Variants in RARB observed in about 807,000 individuals in gnomAD.
RARB encodes the protein HBV-activated protein.
A neutral mutation model predicts 51.9 loss-of-function variants in RARB; 17 were observed. That is an observed-to-expected ratio of 0.33 (90% CI 0.22 to 0.49). RARB has a LOEUF of 0.49. RARB is among the 20% of genes least tolerant of loss of function. RARB has a pLI of 0.99. For synonymous variants in RARB, 215 were observed against 195.4 expected (o/e 1.10, Z -0.84); for missense variants, 369 against 550.8 (o/e 0.67, Z 3.30).
chr3:24,988,386 T>C (rs946270119), intron 2 of RARB, among the ~76,000 whole-genome samples: 3 of 152,186 alleles, frequency 2.0e-5, no homozygotes, highest in African/African-American at 7.2e-5. Context: ...ATACTTCAAA[T>C]ATATTACAAA....
rs74756827 is a variant in RARB at position 24,918,052 on chromosome 3, T to A, written c.-380+59300T>A. ...CCCAGCAAGTCCACACCTAGCATGC[T>A]ATGCAAACGAAAGGAAAACATACAT... On this transcript the variant is annotated intron_variant, in intron 2 of 11. Transcript: ENST00000383772. 6.4e-4 allele frequency among the ~76,000 whole-genome samples: 97 copies of A among 152,310 alleles called. No individual in the cohort carries two copies. The East Asian group carries it at 0.015, about 23-fold the overall frequency.
intron 3 of RARB, among the ~76,000 whole-genome samples, chr3:25,114,577 G>T (rs189797710): frequency 6.6e-6 from 1 of 152,118 alleles, no homozygotes; most frequent in Non-Finnish European, 1.5e-5. Flanking sequence ...TTGTAAAATC[G>T]GGATCCAGCA....
chr3:25,129,627 T>C (rs1393719505), intron 3 of RARB, among the ~76,000 whole-genome samples: 2 of 152,110 alleles, frequency 1.3e-5, no homozygotes, highest in East Asian at 1.9e-4. Context: ...ATGACTCATC[T>C]CTATCATCTG....
At chr3:25,311,301 A>G (rs536376412) in intron 5 of RARB, among the ~76,000 whole-genome samples, 1 of 152,326 alleles carries the variant, frequency 6.6e-6, no homozygotes, top group African/African-American at 2.4e-5. Flanking sequence ...GGGAGTGAAG[A>G]CCAGATTCTG....
intron 5 of RARB, among the ~76,000 whole-genome samples, chr3:25,379,941 AG>A (rs1337803880): frequency 6.6e-6 from 1 of 152,162 alleles, no homozygotes; most frequent in Non-Finnish European, 1.5e-5. Context: ...CTGTGGGAAG[AG>A]GGAGGTGTAT....
At chr3:24,966,094 T>C (rs2125414453) in intron 2 of RARB, among the ~76,000 whole-genome samples, 1 of 91,104 alleles carries the variant, frequency 1.1e-5, no homozygotes, top group South Asian at 3.5e-4. Context: ...CCTTTATCTT[T>C]GAATTTTTTT....
chr3:25,045,162 T>C (rs1698187803), intron 2 of RARB, among the ~76,000 whole-genome samples: 1 of 152,174 alleles, frequency 6.6e-6, no homozygotes, highest in African/African-American at 2.4e-5. Flanking sequence ...ATAGCAAAAG[T>C]ACAGTGCCTT....
intron 2 of RARB, among the ~76,000 whole-genome samples, chr3:25,056,080 A>G (rs1190607763): frequency 6.6e-6 from 1 of 152,160 alleles, no homozygotes; most frequent in Non-Finnish European, 1.5e-5. Context: ...TCTTAGTGTC[A>G]TCTTGTTTCA....
At chr3:24,949,344 T>C (rs1695840437) in intron 2 of RARB, among the ~76,000 whole-genome samples, 1 of 152,168 alleles carries the variant, frequency 6.6e-6, no homozygotes, top group Non-Finnish European at 1.5e-5. Context: ...GGAAAAAATA[T>C]AATTACCCTT....
intron 1 of RARB, among the ~76,000 whole-genome samples, chr3:24,832,560 T>C (rs531136246): frequency 2.0e-5 from 3 of 147,620 alleles, no homozygotes; most frequent in African/African-American, 5.0e-5. Context: ...GACCAGATAT[T>C]GTACTATGTA....
At chr3:25,329,337 G>T (rs147470847) in intron 5 of RARB, among the ~76,000 whole-genome samples, 8,323 of 152,172 alleles carry the variant, frequency 0.055, 248 homozygotes, top group Middle Eastern at 0.065. Flanking sequence ...TCCAGAGGAA[G>T]GATAAGGCAG....
intron 2 of RARB, among the ~76,000 whole-genome samples, chr3:24,866,212 T>C (rs1005005335): frequency 2.6e-5 from 4 of 152,130 alleles, no homozygotes. Flanking sequence ...CTTTCCATTT[T>C]ACCAGTCCTA....
intron 3 of RARB, among the ~76,000 whole-genome samples, chr3:25,554,935 C>G (rs1048105573): frequency 2.0e-5 from 3 of 152,064 alleles, no homozygotes; most frequent in Admixed American, 2.0e-4. Flanking sequence ...TCTCATGACC[C>G]ATTAATCCAT....
At chr3:24,956,712 A>G (rs1349935277) in intron 2 of RARB, among the ~76,000 whole-genome samples, 2 of 152,202 alleles carry the variant, frequency 1.3e-5, no homozygotes, top group Admixed American at 1.3e-4. Flanking sequence ...GAAGACTGGT[A>G]TATTGGATCT....
At chr3:24,928,578 A>C (rs943528528) in intron 2 of RARB, among the ~76,000 whole-genome samples, 7 of 152,040 alleles carry the variant, frequency 4.6e-5, no homozygotes, top group African/African-American at 1.7e-4. Context: ...TCAACTTCTG[A>C]AAGTTCTTTT....
intron 2 of RARB, among the ~76,000 whole-genome samples, chr3:24,901,668 G>A (rs1703609413): frequency 6.6e-6 from 1 of 152,202 alleles, no homozygotes; most frequent in African/African-American, 2.4e-5. Flanking sequence ...TCAAATACCA[G>A]TCTAGCATGT....
At chr3:25,336,061 T>C (rs1023930734) in intron 5 of RARB, among the ~76,000 whole-genome samples, 1 of 145,674 alleles carries the variant, frequency 6.9e-6, no homozygotes, top group Admixed American at 6.9e-5. Flanking sequence ...ACACCCCCAC[T>C]GGGGAGGGAA....
intron 5 of RARB, among the ~76,000 whole-genome samples, chr3:25,210,529 C>CTTTTTTTTTT (rs773846113): frequency 3.6e-5 from 1 of 27,632 alleles, no homozygotes; most frequent in African/African-American, 9.1e-5. Flanking sequence ...TTATCTGATT[C>CTTTTTTTTTT]TTTTTTTTTT....
At chr3:24,879,259 C>G (rs1222721150) in intron 2 of RARB, among the ~76,000 whole-genome samples, 3 of 151,636 alleles carry the variant, frequency 2.0e-5, no homozygotes, top group South Asian at 4.2e-4. Context: ...GAAACCCCAT[C>G]TCTACTAAAA....
Sources: gnomAD v4.1 joint callset for allele counts (sites outside exome capture counted in the v4.1 genomes callset) on GRCh38, gnomAD v4.1.1 for gene constraint, MANE v1.5 for transcripts, NCBI Gene and HGNC (gene_info 2026-07-23, HGNC 2026-07-21) for gene names.